Variants in AMOTL1 observed in about 807,000 individuals in gnomAD.
The protein encoded by AMOTL1 is angiomotin-like protein 1.
In AMOTL1, 45 loss-of-function variants were observed where a neutral mutation model predicts 102.9. The observed-to-expected ratio is 0.44, with a 90% confidence interval of 0.34 to 0.56. AMOTL1 has a LOEUF of 0.56. Ranked by LOEUF, AMOTL1 falls within the 20% of genes least tolerant of loss-of-function variation. AMOTL1 has a pLI of 0.01. For synonymous variants in AMOTL1, 481 were observed against 484.7 expected, an observed-to-expected ratio of 0.99 and a Z score of 0.10; for missense variants, 1,114 against 1,225.6, an observed-to-expected ratio of 0.91 and a Z score of 1.36.
intron 1 of AMOTL1, among the ~76,000 whole-genome samples, chr11:94,781,319 A>G (rs1330954446): frequency 2.0e-5 from 3 of 152,158 alleles, no homozygotes; most frequent in Non-Finnish European, 4.4e-5. Flanking sequence ...GGCCTCTTTC[A>G]GGTTTCACTG....
chr11:94,790,368 A>G (rs1478207692), intron 1 of AMOTL1, among the ~76,000 whole-genome samples: 1 of 152,160 alleles, frequency 6.6e-6, no homozygotes, highest in Non-Finnish European at 1.5e-5. Flanking sequence ...TAAGTACCAC[A>G]AGTTTTGTGT....
intron 1 of AMOTL1, among the ~76,000 whole-genome samples, chr11:94,779,965 T>A (rs543409094): frequency 6.6e-6 from 1 of 152,216 alleles, no homozygotes. Flanking sequence ...CCTGAAGGAA[T>A]AGACTTTTTC....
At chr11:94,849,820 T>G (rs1277941022) in intron 6 of AMOTL1, among the ~76,000 whole-genome samples, 1 of 152,134 alleles carries the variant, frequency 6.6e-6, no homozygotes. Flanking sequence ...CAAGATTGAT[T>G]TGAAGTATGA....
chr11:94,796,486 A>C (rs900421072), intron 2 of AMOTL1, among the ~76,000 whole-genome samples: 2 of 152,194 alleles, frequency 1.3e-5, no homozygotes, highest in Admixed American at 1.3e-4. Context: ...AAGACAGGTC[A>C]TAATGCAATA....
intron 4 of AMOTL1, among the ~76,000 whole-genome samples, chr11:94,827,030 G>A (rs1001585125): frequency 6.6e-5 from 10 of 152,270 alleles, no homozygotes; most frequent in Admixed American, 5.2e-4. Flanking sequence ...TAAAAGGAAA[G>A]AATGCATGAT....
At chr11:94,859,472 T>C (rs1343627961) in intron 8 of AMOTL1, 53 bp from the exon 9 acceptor site, 13 of 1,530,466 alleles carry the variant, frequency 8.5e-6, no homozygotes, top group Non-Finnish European at 8.8e-6. Context: ...GGCAGTTGTG[T>C]AGACAGCATT....
chr11:94,713,641 A>C (rs920614830), intron 1 of AMOTL1, among the ~76,000 whole-genome samples: 2 of 151,958 alleles, frequency 1.3e-5, no homozygotes, highest in Non-Finnish European at 2.9e-5. Context: ...GGAGCAATTG[A>C]AAATGATATT....
chr11:94,812,481 T>A (rs1951700232), intron 3 of AMOTL1, among the ~76,000 whole-genome samples: 1 of 152,158 alleles, frequency 6.6e-6, no homozygotes, highest in Admixed American at 6.5e-5. Flanking sequence ...TTAGTCTTGC[T>A]TAGTGAAACA....
chr11:94,841,992 A>G (rs565208580), intron 6 of AMOTL1, among the ~76,000 whole-genome samples: 3 of 152,354 alleles, frequency 2.0e-5, no homozygotes, highest in African/African-American at 7.2e-5. Context: ...GATAAGAGCA[A>G]TAGATAAATT....
chr11:94,807,466 G>C (rs1424561854), intron 3 of AMOTL1, among the ~76,000 whole-genome samples: 1 of 151,992 alleles, frequency 6.6e-6, no homozygotes, highest in Non-Finnish European at 1.5e-5. Flanking sequence ...TAATGTACAT[G>C]TATTATTTAG....
In AMOTL1 at chr11:94,864,760, C is replaced by T. The variant is rs776691984; in HGVS notation, c.2161C>T (p.Arg721Trp). 32 of 1,613,480 alleles carry T rather than the reference C, an allele frequency of 2.0e-5. No homozygotes were observed. The highest frequency in any genetic ancestry group is 1.2e-4 in the Admixed American group (7 of 59,998). ...ERDTTIINHS[R>W]NGSYGESSLE... ...GGACACCACGATCATCAACCACTCACGGAATGGCAGCTACGGAGAGAGCTC... is the reference window on the plus strand; with the variant it reads ...GGACACCACGATCATCAACCACTCATGGAATGGCAGCTACGGAGAGAGCTC... The change falls in exon 10 of 13, where the codon CGG (arginine) becomes TGG (tryptophan). Residue 721 changes from arginine (R) to tryptophan (W), a missense_variant. Physicochemically the swap from Arg to Trp is moderately radical, Grantham distance 101. Transcript: ENST00000433060.
rs775758472 is a variant in AMOTL1, at chr11:94,871,632, T to G, written c.*837T>G. On this transcript the variant is annotated 3_prime_UTR_variant, in exon 13 of 13. Transcript: ENST00000433060. Reference sequence around the variant, plus strand: ...TAGTGACCAGTAGGACAAAGCCACGTGCCGACTTCCTGGCTGCTTCACCTT... The same window carrying G: ...TAGTGACCAGTAGGACAAAGCCACGGGCCGACTTCCTGGCTGCTTCACCTT... 1.3e-5 allele frequency: 2 copies of G among 152,260 alleles called. No individual in the cohort carries two copies. Among genetic ancestry groups the G allele is most frequent in the African/African-American group, 4.8e-5 (2 of 41,462 alleles). 9.4% of individuals were successfully genotyped at this position (152,260 alleles called of 1,614,324 possible).
intron 3 of AMOTL1, among the ~76,000 whole-genome samples, chr11:94,820,567 G>A (rs191754644): frequency 5.3e-5 from 8 of 152,274 alleles, no homozygotes; most frequent in East Asian, 1.9e-4. Context: ...CAATTTTTCC[G>A]CAGACAATCG....
intron 1 of AMOTL1, among the ~76,000 whole-genome samples, chr11:94,707,254 G>A (rs906785833): frequency 1.2e-5 from 1 of 84,798 alleles, no homozygotes; most frequent in Non-Finnish European, 3.3e-5. Flanking sequence ...CTCTCTCTGT[G>A]TGTGTGTGTG....
intron 1 of AMOTL1, among the ~76,000 whole-genome samples, chr11:94,708,197 G>T (rs1591873578): frequency 6.6e-6 from 1 of 152,122 alleles, no homozygotes; most frequent in Non-Finnish European, 1.5e-5. Context: ...AGTATAAGAC[G>T]CTCTAAGCTT....
At position 94,799,970 on chromosome 11, in the gene AMOTL1, G is replaced by A. The variant is rs535109500; in HGVS notation, c.780G>A (p.Ser260=). The A allele has an allele frequency of 3.5e-5, 57 of 1,613,918 alleles. No individual in the cohort carries two copies. The South Asian group carries it at 4.3e-4, about 12-fold the overall frequency. ...LKELKQGHVR[S]LSERIMQLSL... ...AACTGAAGCAGGGCCACGTCCGCTCGCTCAGCGAGAGAATCATGCAGCTGT... is the reference window on the plus strand; with the variant it reads ...AACTGAAGCAGGGCCACGTCCGCTCACTCAGCGAGAGAATCATGCAGCTGT... The change falls in exon 3 of 13, where the codon TCG becomes TCA. Residue 260 remains serine (S), a synonymous_variant. Transcript: ENST00000433060. This position sits in a 1 kb window ranked among gnomAD's most constrained non-coding sequence, Gnocchi z 4.5.
intron 1 of AMOTL1, among the ~76,000 whole-genome samples, chr11:94,783,839 G>A (rs1472569487): frequency 6.6e-6 from 1 of 152,160 alleles, no homozygotes; most frequent in Non-Finnish European, 1.5e-5. Flanking sequence ...ATGACTGAAT[G>A]GACAAATGGA....
In AMOTL1 at chr11:94,875,229, A is replaced by C. The variant is rs577042302; in HGVS notation, c.*4434A>C. ...TCCATGGGAGATAGGCAAAGTAATT[A>C]AGAAGTTACCAGAAATTGGTCGGCT... On this transcript the variant is annotated 3_prime_UTR_variant, in exon 13 of 13. Transcript: ENST00000433060. 3.9e-4 allele frequency: 60 copies of C among 152,372 alleles called. 2 individuals are homozygous for C. Among genetic ancestry groups the C allele is most frequent in the African/African-American group, 1.1e-3 (47 of 41,590 alleles). 9.4% of individuals were successfully genotyped at this position (152,372 alleles called of 1,614,324 possible). A position where few individuals can be genotyped will look rare whatever the true frequency, so the allele number is the denominator to read the frequency against.
rs777263089 is a variant in AMOTL1, at chr11:94,850,238, G to C, written c.1773G>C (p.Arg591Ser). 1 of 1,595,548 alleles carries C rather than the reference G, an allele frequency of 6.3e-7. No homozygotes were observed. The highest frequency in any genetic ancestry group is 1.3e-5 in the African/African-American group (1 of 74,636). Reference protein sequence around the residue: ...LDQALSNAQARVIKLEEELRE... With the variant: ...LDQALSNAQASVIKLEEELRE... ...AGGCTTTGAGCAACGCCCAGGCCAG[G>C]GTCATCAAGCTGGAAGAGGAGGTGA... Residue 591 changes from arginine to serine, a missense_variant, in exon 7 of 13, where the codon AGG (arginine) becomes AGC (serine). By Grantham distance (110) the Arg-to-Ser change is moderately radical. Transcript: ENST00000433060.
Sources: gnomAD v4.1 joint callset for allele counts (sites outside exome capture counted in the v4.1 genomes callset) on GRCh38, gnomAD v4.1.1 for gene constraint, Gnocchi (gnomAD v3.1) non-coding constraint, MANE v1.5 for transcripts, NCBI Gene and HGNC (gene_info 2026-07-23, HGNC 2026-07-21) for gene names.